Variants in NRXN3 observed in about 807,000 individuals in gnomAD.
The protein encoded by NRXN3 is neurexin 3, also known as neurexin III.
Under a neutral mutation model 137.6 loss-of-function variants are expected in NRXN3, and 32 were observed. The observed-to-expected ratio is 0.23, with a 90% confidence interval of 0.18 to 0.31. The LOEUF (loss-of-function observed/expected upper bound fraction) is 0.31. NRXN3 is among the 10% of genes least tolerant of loss of function. The pLI, the probability that NRXN3 is intolerant of heterozygous loss-of-function variation, is 1.00. For missense variants in NRXN3, 1,574 were observed against 2,062.5 expected, an observed-to-expected ratio of 0.76 and a Z score of 4.59; for synonymous variants, 798 against 784.5, an observed-to-expected ratio of 1.02 and a Z score of -0.29.
At chr14:78,929,178 C>A (rs574434923) in intron 10 of NRXN3, among the ~76,000 whole-genome samples, 105 of 152,086 alleles carry the variant, frequency 6.9e-4, no homozygotes, top group African/African-American at 2.3e-3. Context: ...TGTTTAAGTT[C>A]TTTGTAGATT....
At chr14:78,309,357 G>T (rs766038935) in intron 4 of NRXN3, among the ~76,000 whole-genome samples, 5 of 151,512 alleles carry the variant, frequency 3.3e-5, no homozygotes, top group Non-Finnish European at 7.4e-5. Context: ...CAGGTAAATT[G>T]TGTGCCATAG....
chr14:78,337,754 A>G lies in NRXN3; in HGVS notation c.757+39894A>G, dbSNP rs549792999. ...ATTCCTAAAGCTCTGAGAAGGCCGT[A>G]TATATAGTACTGATATTGTTCTCCC... On this transcript the variant is annotated intron_variant, in intron 4 of 20. Coordinates refer to ENST00000335750, the MANE Select transcript of NRXN3 (RefSeq NM_001330195.2). Among the ~76,000 whole-genome samples the G allele has an allele frequency of 2.3e-4, 35 of 152,344 alleles. No individual in the cohort carries two copies. In the South Asian group the frequency reaches 7.0e-3, roughly 31 times the overall value.
intron 16 of NRXN3, among the ~76,000 whole-genome samples, chr14:79,532,083 A>G (rs2097174442): frequency 6.6e-6 from 1 of 152,076 alleles, no homozygotes; most frequent in South Asian, 2.1e-4. Context: ...CCTTTTCTAT[A>G]CCACTCTCTT....
chr14:79,425,038 C>T (rs998349028), intron 15 of NRXN3, among the ~76,000 whole-genome samples: 15 of 152,140 alleles, frequency 9.9e-5, no homozygotes, highest in African/African-American at 3.6e-4. Flanking sequence ...TCAGAAGTCT[C>T]CCTTGAGATT....
chr14:78,378,892 A>G (rs903028339), intron 4 of NRXN3, among the ~76,000 whole-genome samples: 1 of 152,186 alleles, frequency 6.6e-6, no homozygotes. Flanking sequence ...CTAGACTAAT[A>G]AAGAAGAAAA....
At chr14:79,111,692 C>T (rs28684433) in intron 15 of NRXN3, among the ~76,000 whole-genome samples, 80 of 150,278 alleles carry the variant, frequency 5.3e-4, no homozygotes, top group African/African-American at 1.9e-3. Flanking sequence ...GAGCTGAGAT[C>T]GCACCGTGGC....
intron 4 of NRXN3, among the ~76,000 whole-genome samples, chr14:78,467,112 C>T (rs957368531): frequency 2.6e-5 from 4 of 152,102 alleles, no homozygotes; most frequent in Non-Finnish European, 4.4e-5. Flanking sequence ...CTTCTGTCTC[C>T]CTAAAATGTA....
At chr14:78,361,266 G>A (rs1048954073) in intron 4 of NRXN3, among the ~76,000 whole-genome samples, 1 of 152,148 alleles carries the variant, frequency 6.6e-6, no homozygotes, top group African/African-American at 2.4e-5. Flanking sequence ...TATATCAAAA[G>A]CTTCCTGAAT....
At chr14:79,381,898 G>A (rs1232364488) in intron 15 of NRXN3, among the ~76,000 whole-genome samples, 2 of 152,118 alleles carry the variant, frequency 1.3e-5, no homozygotes, top group South Asian at 2.1e-4. Context: ...TACAACTTAT[G>A]TGCCCATATT....
At chr14:78,681,166 A>G (rs745900648) in intron 6 of NRXN3, among the ~76,000 whole-genome samples, 3 of 152,166 alleles carry the variant, frequency 2.0e-5, no homozygotes, top group Non-Finnish European at 4.4e-5. Context: ...CTTATGTCAC[A>G]TTCTAAAATA....
chr14:78,321,560 C>T (rs759704777), intron 4 of NRXN3, among the ~76,000 whole-genome samples: 4 of 152,034 alleles, frequency 2.6e-5, no homozygotes, highest in Admixed American at 6.5e-5. Flanking sequence ...CTGCAAGGCT[C>T]TCTGTTGGAT....
chr14:78,639,751 A>G (rs1430066652), intron 4 of NRXN3, among the ~76,000 whole-genome samples: 3 of 152,158 alleles, frequency 2.0e-5, no homozygotes, highest in Non-Finnish European at 4.4e-5. Flanking sequence ...AGGAAAAGCA[A>G]TGGAATGAAA....
chr14:78,984,099 A>G (rs1434388186), intron 14 of NRXN3, among the ~76,000 whole-genome samples: 1 of 152,110 alleles, frequency 6.6e-6, no homozygotes, highest in Non-Finnish European at 1.5e-5. Flanking sequence ...ATGTTGATCA[A>G]TGGGTACAAA....
At chr14:78,751,918 G>A (rs932509350) in intron 8 of NRXN3, among the ~76,000 whole-genome samples, 1 of 152,190 alleles carries the variant, frequency 6.6e-6, no homozygotes, top group African/African-American at 2.4e-5. Context: ...AGCATGAGAA[G>A]CACTGAACCA....
chr14:79,322,478 AT>A (rs1365000818), intron 15 of NRXN3, among the ~76,000 whole-genome samples: 1 of 152,202 alleles, frequency 6.6e-6, no homozygotes, highest in Non-Finnish European at 1.5e-5. Context: ...TATGCCAGGC[AT>A]TTTATGTCTC....
chr14:79,169,164 G>C (rs2061550060), intron 15 of NRXN3, among the ~76,000 whole-genome samples: 1 of 151,992 alleles, frequency 6.6e-6, no homozygotes, highest in South Asian at 2.1e-4. Context: ...ATTAGCGTTT[G>C]TTACTATGAA....
At chr14:79,491,672 A>T (rs953518628) in intron 16 of NRXN3, among the ~76,000 whole-genome samples, 1 of 149,412 alleles carries the variant, frequency 6.7e-6, no homozygotes, top group African/African-American at 2.5e-5. Flanking sequence ...TGTGTGTGTG[A>T]GAGAAAGAGA....
intron 19 of NRXN3, among the ~76,000 whole-genome samples, chr14:79,729,082 C>A (rs1363947699): frequency 6.6e-6 from 1 of 152,148 alleles, no homozygotes; most frequent in Non-Finnish European, 1.5e-5. Context: ...TGTGTGCCAC[C>A]ATCATTATTA....
At chr14:79,132,942 C>T (rs931134821) in intron 15 of NRXN3, among the ~76,000 whole-genome samples, 1 of 152,194 alleles carries the variant, frequency 6.6e-6, no homozygotes, top group African/African-American at 2.4e-5. Context: ...CTTTCTACCC[C>T]ATCATCAACA....
Sources: allele counts gnomAD v4.1 joint callset (sites outside exome capture counted in the v4.1 genomes callset), GRCh38; gene constraint gnomAD v4.1.1; transcripts MANE v1.5; gene names NCBI Gene and HGNC (gene_info 2026-07-23, HGNC 2026-07-21).